Variants in AMBP observed in about 807,000 individuals in gnomAD.
AMBP encodes alpha-1-microglobulin/bikunin precursor.
Under a neutral mutation model 46.3 loss-of-function variants are expected in AMBP, and 37 were observed. That is an observed-to-expected ratio of 0.80 (90% confidence interval 0.61 to 1.05). AMBP has a LOEUF of 1.05. Among genes scored for constraint, AMBP ranks in the 50% least tolerant of loss-of-function variants. The probability of loss-of-function intolerance (pLI) is 0.00; values close to 1 mark genes in which losing one functional copy is unlikely to be tolerated. For synonymous variants in AMBP, 174 were observed against 175.9 expected (o/e 0.99, Z 0.09); for missense variants, 475 against 461.2 (o/e 1.03, Z -0.27).
Position 114,060,935 on chromosome 9 carries a change from G to A in AMBP, c.1017C>T (p.Val339=). 1 of 1,613,694 alleles carries A rather than the reference G, an allele frequency of 6.2e-7. No homozygotes were observed. The highest frequency in any genetic ancestry group is 1.3e-5 in the African/African-American group (1 of 75,046). The change falls in exon 9 of 10, where the codon GTC becomes GTT. Residue 339 remains valine (V), a synonymous_variant. Transcript: ENST00000265132. The part of the protein sequence containing the change: ...SEKECREYCG[V]PGDGDEELLR... ...TGCAGGGCTGCCTACCATCACCAGGGACACCGCAGTACTCTCTGCACTCCT... is the reference window on the plus strand; with the variant it reads ...TGCAGGGCTGCCTACCATCACCAGGAACACCGCAGTACTCTCTGCACTCCT...
chr9:114,063,112 T>G (rs971143668), intron 6 of AMBP, among the ~76,000 whole-genome samples: 2 of 152,080 alleles, frequency 1.3e-5, no homozygotes, highest in South Asian at 2.1e-4. Flanking sequence ...GTGAAGGCAT[T>G]GTTGCACAAC....
At chr9:114,061,974 A>G (rs1353355266) in intron 7 of AMBP, among the ~76,000 whole-genome samples, 1 of 151,924 alleles carries the variant, frequency 6.6e-6, no homozygotes, top group Non-Finnish European at 1.5e-5. Flanking sequence ...CTTTGCTCCC[A>G]CTGTTCCTTG....
At chr9:114,068,609 T>C (rs1014707021) in intron 6 of AMBP, among the ~76,000 whole-genome samples, 2 of 144,160 alleles carry the variant, frequency 1.4e-5, no homozygotes, top group Non-Finnish European at 3.1e-5. Flanking sequence ...CTGTCTCAAT[T>C]AAAAAAAAAA....
chr9:114,074,256 A>C lies in AMBP; in HGVS notation c.338-104T>G, dbSNP rs1364021634. The C allele has an allele frequency of 3.0e-5, 25 of 823,436 alleles. No homozygotes were observed. The East Asian group carries it at 6.4e-4, about 21-fold the overall frequency. The allele number at this position is 823,436 out of a possible 1,614,324, so 51.0% of individuals were successfully genotyped here. Reference sequence around the variant, plus strand: ...TCACACATCATCTCCTCATCCATCCATCTATCCACCCATGCCTTCCATATC... The same window carrying C: ...TCACACATCATCTCCTCATCCATCCCTCTATCCACCCATGCCTTCCATATC... On this transcript the variant is annotated intron_variant, in intron 3 of 9. Coordinates refer to ENST00000265132, the MANE Select transcript of AMBP (RefSeq NM_001633.4).
chr9:114,065,749 A>T (rs534567200), intron 6 of AMBP, among the ~76,000 whole-genome samples: 5 of 152,122 alleles, frequency 3.3e-5, no homozygotes, highest in African/African-American at 1.2e-4. Context: ...ATTGGGCTCA[A>T]ATTTGATGGG....
Position 114,060,259 on chromosome 9 carries a change from G to A in AMBP, c.1039C>T (p.Leu347=), listed in dbSNP as rs946926110. 2.5e-6 allele frequency: 4 copies of A among 1,613,300 alleles called. No homozygotes were observed. In the African/African-American group the frequency reaches 4.0e-5, roughly 16 times the overall value. ...CGVPGDGDEE[L]LRFSN is the part of the protein sequence containing the mutation. The stretch of plus-strand genomic sequence containing the variant: ...AGTTGTCAGTTGGAGAAGCGCAGCA[G>A]CTCCTCATCACCTGTGGACACAGAG... The change falls in exon 10 of 10, where the codon CTG becomes TTG. Residue 347 remains leucine (L), a synonymous_variant. Coordinates refer to ENST00000265132, the MANE Select transcript of AMBP (RefSeq NM_001633.4).
chr9:114,078,216 G>C lies in AMBP; in HGVS notation c.-7C>G, dbSNP rs767615127. ...GGGCCCCGAGGCTCCTCATGGCTAT[G>C]GGCTCCTCTGCCTTGGTATATCCCA... On this transcript the variant is annotated 5_prime_UTR_variant, in exon 1 of 10. Coordinates refer to ENST00000265132, the MANE Select transcript of AMBP (RefSeq NM_001633.4). 14 of 1,611,162 alleles carry C rather than the reference G, an allele frequency of 8.7e-6. No homozygotes were observed. Among genetic ancestry groups the C allele is most frequent in the Non-Finnish European group, 1.2e-5 (14 of 1,179,698 alleles).
chr9:114,061,091 G>A lies in AMBP; in HGVS notation c.861C>T (p.Cys287=), dbSNP rs372558242. The A allele has an allele frequency of 5.0e-6, 8 of 1,614,010 alleles. No individual in the cohort carries two copies. Among genetic ancestry groups the A allele is most frequent in the Non-Finnish European group, 5.1e-6 (6 of 1,179,984 alleles). Residue 287 remains cysteine (C), a synonymous_variant, in exon 9 of 10, where the codon TGC becomes TGT. Coordinates refer to ENST00000265132, the MANE Select transcript of AMBP (RefSeq NM_001633.4). Reference sequence around the variant, plus strand: ...AGGGGCCCCGGACTATGGGGAGATTGCAGGCCGCTGTGGAGTGGAGAGAGG... The same window carrying A: ...AGGGGCCCCGGACTATGGGGAGATTACAGGCCGCTGTGGAGTGGAGAGAGG... The part of the protein sequence containing the change: ...CLQTCRTVAA[C]NLPIVRGPCR...
rs1846815251 is a variant in AMBP, at chr9:114,076,702, G to T, written c.156C>A (p.Thr52=). 1 of 1,613,934 alleles carries T rather than the reference G, an allele frequency of 6.2e-7. No individual in the cohort carries two copies. The highest frequency in any genetic ancestry group is 8.5e-7 in the Non-Finnish European group (1 of 1,179,986). ...CCATGATCTTCTTCAGCCAGGGGCAGGTGGAACCGATGGCCAGGTTGTACC... is the reference window on the plus strand; with the variant it reads ...CCATGATCTTCTTCAGCCAGGGGCATGTGGAACCGATGGCCAGGTTGTACC... ...GKWYNLAIGS[T]CPWLKKIMDR... The change falls in exon 2 of 10, where the codon ACC becomes ACA. Residue 52 remains threonine, a synonymous_variant. Transcript: ENST00000265132.
At chr9:114,073,075 G>C (rs201023465) in intron 4 of AMBP, 49 bp from the exon 5 acceptor site, 6 of 1,530,214 alleles carry the variant, frequency 3.9e-6, no homozygotes. Flanking sequence ...GGTGCTTGGA[G>C]TGGAAGGGCC....
In AMBP at chr9:114,078,136, G is replaced by A. The variant is rs765731716; in HGVS notation, c.74C>T (p.Pro25Leu). ...LAVSAGPVPT[P>L]PDNIQVQENF... is the part of the protein sequence containing the mutation. ...TTCCTGCACTTGGATGTTGTCGGGC[G>A]GCGTTGGCACAGGGCCAGCGCTCAC... Residue 25 changes from proline (P) to leucine (L), a missense_variant, in exon 1 of 10, where the codon CCG becomes CTG. Pro to Leu is a moderately conservative substitution (Grantham distance 98). Around this residue, in one of 3 missense-constraint regions of AMBP, gnomAD observed 179 missense variants for 167.4 expected, o/e 1.07. Coordinates refer to ENST00000265132, the MANE Select transcript of AMBP (RefSeq NM_001633.4). 1.2e-5 allele frequency: 20 copies of A among 1,613,686 alleles called. No individual in the cohort carries two copies. In the African/African-American group the frequency reaches 1.7e-4, roughly 14 times the overall value.
chr9:114,069,574 C>T (rs958467396), intron 6 of AMBP, 125 bp downstream of exon 6: 21 of 912,376 alleles, frequency 2.3e-5, no homozygotes, highest in African/African-American at 1.5e-4. Context: ...TCATGGCCAT[C>T]GCTGCCTTCT....
In AMBP at chr9:114,076,624, C is replaced by A; in HGVS notation, c.234G>T (p.Glu78Asp). 1 of 1,613,972 alleles carries A rather than the reference C, an allele frequency of 6.2e-7. No individual in the cohort carries two copies. The highest frequency in any genetic ancestry group is 1.1e-5 in the South Asian group (1 of 91,078). Residue 78 changes from glutamate (E) to aspartate (D), a missense_variant, in exon 2 of 10, where the codon GAG becomes GAT. This residue lies in a region of AMBP where 179 missense variants were observed against 167.4 expected (regional missense o/e 1.07). Transcript: ENST00000265132. ...GCCAACGAGTGCTGGTCATGCTGATCTCCGCCTCTGTAGCGCCCTCTCCCA... is the reference window on the plus strand; with the variant it reads ...GCCAACGAGTGCTGGTCATGCTGATATCCGCCTCTGTAGCGCCCTCTCCCA... ...LVLGEGATEA[E>D]ISMTSTRWRK...
At position 114,075,050 on chromosome 9, in the gene AMBP, A is replaced by C. The variant is rs1364307084; in HGVS notation, c.261-14T>G. 6.2e-7 allele frequency: 1 copy of C among 1,611,346 alleles called. No homozygotes were observed. Among genetic ancestry groups the C allele is most frequent in the East Asian group, 2.2e-5 (1 of 44,864 alleles). ...CAGACACCTTTCCTAGAAATGAACA[A>C]ATCAAAAGGAAGGTCACTCCTGGTA... On this transcript the variant is annotated splice_polypyrimidine_tract_variant and intron_variant, in intron 2 of 9. Transcript: ENST00000265132.
chr9:114,066,683 GT>G (rs1038728217), intron 6 of AMBP, among the ~76,000 whole-genome samples: 20 of 152,076 alleles, frequency 1.3e-4, no homozygotes, highest in African/African-American at 4.8e-4. Flanking sequence ...TGCAATGAAT[GT>G]CATAGGAGAG....
chr9:114,068,618 A>T (rs947114191), intron 6 of AMBP, among the ~76,000 whole-genome samples: 1 of 152,042 alleles, frequency 6.6e-6, no homozygotes, highest in Non-Finnish European at 1.5e-5. Context: ...TTAAAAAAAA[A>T]AAAATTCAAG....
rs746335570 is a variant in AMBP, at chr9:114,060,991, G to C, written c.961C>G (p.Gln321Glu). Residue 321 changes from glutamine (Q) to glutamate (E), a missense_variant, in exon 9 of 10, where the codon CAG (glutamine) becomes GAG (glutamate). Gln to Glu is a conservative substitution (Grantham distance 29, BLOSUM62 2). Transcript: ENST00000265132. ...KCVLFPYGGC[Q>E]GNGNKFYSEK... ...GAGTAGAACTTGTTCCCGTTGCCCT[G>C]GCAGCCCCCGTAGGGGAAGAGGACG... 1 of 1,614,084 alleles carries C rather than the reference G, an allele frequency of 6.2e-7. No homozygotes were observed. Among genetic ancestry groups the C allele is most frequent in the Admixed American group, 1.7e-5 (1 of 60,006 alleles).
intron 6 of AMBP, among the ~76,000 whole-genome samples, chr9:114,067,925 G>C (rs1846709607): frequency 6.6e-6 from 1 of 152,092 alleles, no homozygotes; most frequent in Admixed American, 6.6e-5. Context: ...GAGAATAATA[G>C]AAATAAATAA....
At chr9:114,061,693 G>C (rs1392267164) in intron 7 of AMBP, 102 bp from the exon 8 acceptor site, 3 of 1,342,836 alleles carry the variant, frequency 2.2e-6, no homozygotes, top group Non-Finnish European at 3.0e-6. Flanking sequence ...TTCACTAAAA[G>C]GATTATCAAT....
Sources: gnomAD v4.1 joint callset for allele counts (sites outside exome capture counted in the v4.1 genomes callset) on GRCh38, gnomAD v4.1.1 for gene constraint, gnomAD v4.1.1 regional missense constraint, MANE v1.5 for transcripts, NCBI Gene and HGNC (gene_info 2026-07-23, HGNC 2026-07-21) for gene names.